The following SAMSN1 variants were observed in gnomAD, a reference collection of about 807,000 sequenced individuals.
SAMSN1 encodes SAM domain, SH3 domain and nuclear localization signals 1.
In SAMSN1, 31 loss-of-function variants were observed where a neutral mutation model predicts 42.0. The observed-to-expected ratio is 0.74, with a 90% CI of 0.55 to 1.00. The LOEUF is 1.00. SAMSN1 is among the 50% of genes least tolerant of loss of function. The pLI is 0.00. For synonymous variants in SAMSN1, 178 were observed against 151.9 expected, an observed-to-expected ratio of 1.17 and a Z score of -1.26; for missense variants, 464 against 439.4, an observed-to-expected ratio of 1.06 and a Z score of -0.50.
At chr21:14,643,177 A>C (rs1568841497) in intron 1 of SAMSN1, 1 of 709,096 alleles carries the variant, frequency 1.4e-6, no homozygotes, top group Non-Finnish European at 2.6e-6. Flanking sequence ...CAGAATAATA[A>C]TTTTCCTTTA....
chr21:14,605,033 C>T (rs866887807), intron 5 of SAMSN1, among the ~76,000 whole-genome samples: 7 of 152,196 alleles, frequency 4.6e-5, no homozygotes, highest in African/African-American at 1.2e-4. Flanking sequence ...TTACCAACAT[C>T]AATGTGCATA....
chr21:14,525,789 G>A (rs1239234319), intron 1 of SAMSN1, among the ~76,000 whole-genome samples: 4 of 152,098 alleles, frequency 2.6e-5, no homozygotes, highest in East Asian at 1.9e-4. Context: ...ATAATAAATT[G>A]TTGAGTTATC....
At chr21:14,563,004 T>C (rs1209350928) in intron 2 of SAMSN1, among the ~76,000 whole-genome samples, 1 of 152,172 alleles carries the variant, frequency 6.6e-6, no homozygotes, top group Non-Finnish European at 1.5e-5. Flanking sequence ...ATAGTTCTTA[T>C]TATAAATGCA....
rs563166606 is a variant in SAMSN1, at chr21:14,598,756, C to A, written c.399+3267G>T. ...TGGGAATTAAATATTTAATTCTGAT[C>A]ATTTTTAGTGTCTGAAATATATTTC... On this transcript the variant is annotated intron_variant, in intron 6 of 15. Transcript: ENST00000647101. Among the ~76,000 whole-genome samples the A allele has an allele frequency of 1.5e-4, 23 of 152,188 alleles. No homozygotes were observed. In the East Asian group the frequency reaches 2.9e-3, roughly 19 times the overall value.
chr21:14,612,118 A>G (rs1391437328), intron 4 of SAMSN1, among the ~76,000 whole-genome samples: 1 of 152,194 alleles, frequency 6.6e-6, no homozygotes, highest in Non-Finnish European at 1.5e-5. Flanking sequence ...CTGTAGTCCC[A>G]GCTACTCTGG....
chr21:14,577,871 A>T (rs78449468), intron 2 of SAMSN1, among the ~76,000 whole-genome samples: 1 of 152,104 alleles, frequency 6.6e-6, no homozygotes, highest in Non-Finnish European at 1.5e-5. Flanking sequence ...ATTTATATCA[A>T]TTCCATAATC....
At position 14,611,839 on chromosome 21, in the gene SAMSN1, T is replaced by C. The variant is rs187236746; in HGVS notation, c.235+1037A>G. On this transcript the variant is annotated intron_variant, in intron 4 of 15. Coordinates refer to the SAMSN1 transcript ENST00000647101. ...GAGCTTTTCAGATCTTACCAGGAAA[T>C]TGGTTTTTAAAAAAGAATGAAATGA... Among the ~76,000 whole-genome samples, 117 of 152,122 alleles carry C rather than the reference T, an allele frequency of 7.7e-4. 2 individuals are homozygous for C. Among genetic ancestry groups the C allele is most frequent in the East Asian group, 7.5e-3 (39 of 5,174 alleles).
chr21:14,537,048 A>G (rs1979669933), intron 1 of SAMSN1, among the ~76,000 whole-genome samples: 1 of 152,192 alleles, frequency 6.6e-6, no homozygotes, highest in South Asian at 2.1e-4. Context: ...GCCAAAATAA[A>G]CCCACTAAAC....
chr21:14,566,886 AACAC>A (rs901519626), intron 2 of SAMSN1, among the ~76,000 whole-genome samples: 1 of 152,102 alleles, frequency 6.6e-6, no homozygotes, highest in Non-Finnish European at 1.5e-5. Flanking sequence ...AGTACAAAGA[AACAC>A]ACACATGCAC....
At chr21:14,584,649 A>G (rs185160431), upstream of SAMSN1, among the ~76,000 whole-genome samples, 94 of 152,328 alleles carry the variant, frequency 6.2e-4, no homozygotes, top group Non-Finnish European at 1.1e-3. Flanking sequence ...GATGTAATAC[A>G]TATAGGAATA....
intron 5 of SAMSN1, among the ~76,000 whole-genome samples, chr21:14,505,832 T>C (rs1296373673): frequency 6.6e-6 from 1 of 152,156 alleles, no homozygotes. Flanking sequence ...TTCTCTAAGA[T>C]AGACCATATG....
Position 14,500,733 on chromosome 21 carries a change from T to C in SAMSN1, c.564A>G (p.Lys188=). ...TGCAAATAATGTCTATGATGTCTCC[T>C]TTCTAAGGGCAAAGAAATCCATACA... is the stretch of plus-strand genomic sequence containing the variant. The part of the protein sequence containing the change: ...PYDTDSLKIK[K]GDIIDIICKT... Residue 188 remains lysine (K), a splice_region_variant and synonymous_variant, in exon 6 of 8, where the codon AAA becomes AAG. Coordinates refer to ENST00000400566, the MANE Select transcript of SAMSN1 (RefSeq NM_022136.5). 2.5e-6 allele frequency: 4 copies of C among 1,610,630 alleles called. No individual in the cohort carries two copies. The highest frequency in any genetic ancestry group is 3.4e-6 in the Non-Finnish European group (4 of 1,176,834).
chr21:14,629,729 A>G (rs1983277934), intron 2 of SAMSN1, among the ~76,000 whole-genome samples: 1 of 152,154 alleles, frequency 6.6e-6, no homozygotes, highest in East Asian at 1.9e-4. Flanking sequence ...GAACTTTGCC[A>G]TTTGTCTACT....
chr21:14,585,268 T>C (rs1441376396), upstream of SAMSN1: 1 of 152,202 alleles, frequency 6.6e-6, no homozygotes, highest in Admixed American at 6.5e-5. Flanking sequence ...GGCCATTTTC[T>C]ACTCTTTAGA....
chr21:14,530,054 C>A (rs534036587), intron 1 of SAMSN1, among the ~76,000 whole-genome samples: 1 of 152,248 alleles, frequency 6.6e-6, no homozygotes, highest in Non-Finnish European at 1.5e-5. Context: ...CAGTGGCTCA[C>A]GCCTGCAATC....
At chr21:14,647,081 T>G (rs1163179239) in intron 1 of SAMSN1, among the ~76,000 whole-genome samples, 1 of 152,088 alleles carries the variant, frequency 6.6e-6, no homozygotes, top group East Asian at 1.9e-4. Flanking sequence ...ATAATAACAT[T>G]GAATGTAAAT....
At chr21:14,626,453 TCA>T (rs1424244712) in intron 2 of SAMSN1, among the ~76,000 whole-genome samples, 1 of 151,832 alleles carries the variant, frequency 6.6e-6, no homozygotes, top group Non-Finnish European at 1.5e-5. Flanking sequence ...AACAACCCCA[TCA>T]AAAAGTGAAC....
At chr21:14,585,868 T>A (rs1024623243), upstream of SAMSN1, among the ~76,000 whole-genome samples, 11 of 152,224 alleles carry the variant, frequency 7.2e-5, no homozygotes, top group African/African-American at 2.7e-4. Flanking sequence ...CAACCTCCTC[T>A]TGTTAATAGG....
In SAMSN1 at chr21:14,494,061, C is replaced by A. The variant is rs561183357; in HGVS notation, c.919+4381G>T. Among the ~76,000 whole-genome samples, 9 of 152,186 alleles carry A rather than the reference C, an allele frequency of 5.9e-5. No homozygotes were observed. The South Asian group carries it at 1.9e-3, about 31-fold the overall frequency. ...GGATCATTAAAAAGTCAAGAAAAAACAGATGCTGAAGAGGATGTGGAGAAA... is the reference window on the plus strand; with the variant it reads ...GGATCATTAAAAAGTCAAGAAAAAAAAGATGCTGAAGAGGATGTGGAGAAA... On this transcript the variant is annotated intron_variant, in intron 7 of 7. Transcript: ENST00000400566.
Sources: gnomAD v4.1 joint callset for allele counts (sites outside exome capture counted in the v4.1 genomes callset) on GRCh38, gnomAD v4.1.1 for gene constraint, MANE v1.5 for transcripts, NCBI Gene and HGNC (gene_info 2026-07-23, HGNC 2026-07-21) for gene names.